MASP1: variants seen among roughly 807,000 people sequenced by gnomAD.
MASP1 encodes MBL associated serine protease 1.
In MASP1, 59 loss-of-function variants were observed where a neutral mutation model predicts 77.1. That is an observed-to-expected ratio of 0.77 (90% confidence interval 0.62 to 0.95). MASP1 has a LOEUF of 0.95. Ranked by LOEUF, MASP1 falls within the 40% of genes least tolerant of loss-of-function variation. The pLI is 0.00. For synonymous variants in MASP1, 362 were observed against 354.5 expected (o/e 1.02, Z -0.24); for missense variants, 885 against 912.9 (o/e 0.97, Z 0.39).
chr3:187,225,331 C>T, exon 13 of MASP1: 1 of 1,613,022 alleles, frequency 6.2e-7, no homozygotes, highest in African/African-American at 1.3e-5. Flanking sequence ...TACCTTCCTG[C>T]TGGGGTCCCT....
intron 13 of MASP1, among the ~76,000 whole-genome samples, chr3:187,224,989 T>C (rs1280696829): frequency 6.6e-6 from 1 of 152,202 alleles, no homozygotes; most frequent in Non-Finnish European, 1.5e-5. Flanking sequence ...CTAGGGTTGG[T>C]GGTTTCTTCC....
In MASP1 at chr3:187,256,799, T is replaced by C. The variant is rs1473061409; in HGVS notation, c.609A>G (p.Pro203=). Residue 203 remains proline, a synonymous_variant, in exon 5 of 11, where the codon CCA becomes CCG. Coordinates refer to ENST00000296280, the MANE Select transcript of MASP1 (RefSeq NM_139125.4). ...RTGVITSPDF[P]NPYPKSSECL... ...ATTCAGAGCTCTTGGGGTAAGGGTTTGGGAAGTCAGGGCTGGTGATCACCC... is the reference window on the plus strand; with the variant it reads ...ATTCAGAGCTCTTGGGGTAAGGGTTCGGGAAGTCAGGGCTGGTGATCACCC... 3 of 1,613,910 alleles carry C rather than the reference T, an allele frequency of 1.9e-6. No homozygotes were observed. The highest frequency in any genetic ancestry group is 1.7e-6 in the Non-Finnish European group (2 of 1,179,982).
Position 187,265,314 on chromosome 3 carries a change from T to A in MASP1, c.238-2594A>T, listed in dbSNP as rs868487518. On this transcript the variant is annotated intron_variant, in intron 2 of 10. Transcript: ENST00000296280. ...CTGCAGTGACTGGGACATGAACATT[T>A]TCAAGTGAACACACTGGTCATTTGG... Among the ~76,000 whole-genome samples the A allele has an allele frequency of 4.6e-5, 7 of 152,324 alleles. No individual in the cohort carries two copies. In the Middle Eastern group the frequency reaches 0.01, roughly 222 times the overall value.
intron 5 of MASP1, among the ~76,000 whole-genome samples, chr3:187,254,770 T>C (rs1477619636): frequency 6.6e-6 from 1 of 152,174 alleles, no homozygotes; most frequent in African/African-American, 2.4e-5. Flanking sequence ...TAGGCTCTAT[T>C]ATCTGATCCG....
intron 15 of MASP1, among the ~76,000 whole-genome samples, chr3:187,220,492 C>CTTTTTTTTTTTTTTTTTTTTTTTTTTTT (rs747532550): frequency 1.5e-5 from 2 of 134,564 alleles, no homozygotes; most frequent in Non-Finnish European, 3.1e-5. Context: ...TTTCTTTTTT[C>CTTTTTTTTTTTTTTTTTTTTTTTTTTTT]TTTCTTTTTT....
At chr3:187,259,999 C>T (rs935850399) in intron 4 of MASP1, among the ~76,000 whole-genome samples, 2 of 152,182 alleles carry the variant, frequency 1.3e-5, no homozygotes, top group Non-Finnish European at 2.9e-5. Flanking sequence ...TGTCAAGGGT[C>T]ACAACTCTGG....
intron 10 of MASP1, among the ~76,000 whole-genome samples, chr3:187,237,778 GCCT>G (rs901620026): frequency 6.6e-6 from 1 of 152,228 alleles, no homozygotes; most frequent in African/African-American, 2.4e-5. Flanking sequence ...ATGAGTGTGG[GCCT>G]CCTCCTGGTT....
At chr3:187,243,670 T>C (rs1713845550) in intron 8 of MASP1, 49 bp from the exon 9 acceptor site, 2 of 1,609,490 alleles carry the variant, frequency 1.2e-6, no homozygotes, top group Admixed American at 1.7e-5. Flanking sequence ...CTCATCCTCC[T>C]TTGGCTATCT....
Position 187,243,589 on chromosome 3 carries a change from G to T in MASP1, c.1123C>A (p.His375Asn), listed in dbSNP as rs772206611. 3.1e-6 allele frequency: 5 copies of T among 1,614,202 alleles called. No homozygotes were observed. The highest frequency in any genetic ancestry group is 2.2e-5 in the South Asian group (2 of 91,082). ...VDCRAPGELEHGLITFSTRNN... is the reference protein window; with the variant it reads ...VDCRAPGELENGLITFSTRNN... ...CTTGTAGAGAAGGTGATCAGCCCGT[G>T]TTCCAGCTCTCCTGGGGCTCTACAG... Residue 375 changes from histidine (H) to asparagine (N), a missense_variant, in exon 9 of 11, where the codon CAC (histidine) becomes AAC (asparagine). His to Asn is a moderately conservative substitution (Grantham distance 68). Transcript: ENST00000296280.
chr3:187,266,202 C>G (rs1716006401), intron 2 of MASP1, among the ~76,000 whole-genome samples: 1 of 152,116 alleles, frequency 6.6e-6, no homozygotes, highest in African/African-American at 2.4e-5. Context: ...TTTAGGACAC[C>G]AACATGTGGC....
chr3:187,271,797 C>G (rs1409659892), intron 2 of MASP1, among the ~76,000 whole-genome samples: 1 of 152,134 alleles, frequency 6.6e-6, no homozygotes, highest in African/African-American at 2.4e-5. Flanking sequence ...CCTGGAAGTG[C>G]AGGGTCATTC....
At chr3:187,279,709 G>A (rs1245420540) in intron 2 of MASP1, among the ~76,000 whole-genome samples, 1 of 152,124 alleles carries the variant, frequency 6.6e-6, no homozygotes, top group Non-Finnish European at 1.5e-5. Context: ...TCCCTGCTTT[G>A]ATGGTAGCTC....
intron 2 of MASP1, among the ~76,000 whole-genome samples, chr3:187,284,655 C>T (rs1717702449): frequency 6.6e-6 from 1 of 152,148 alleles, no homozygotes; most frequent in South Asian, 2.1e-4. Flanking sequence ...TGGAGAATAG[C>T]TTGGGAGTTG....
At chr3:187,251,582 T>G (rs954400162) in intron 7 of MASP1, 52 bp downstream of exon 7, 1 of 1,391,420 alleles carries the variant, frequency 7.2e-7, no homozygotes, top group Non-Finnish European at 1.0e-6. Flanking sequence ...GGGGCAGGTT[T>G]CGAGAGTTTC....
At chr3:187,291,464 C>T in intron 1 of MASP1, 164 bp downstream of exon 1, 1 of 914,350 alleles carries the variant, frequency 1.1e-6, no homozygotes, top group Admixed American at 2.0e-5. Flanking sequence ...GCACCCAGCC[C>T]ACCCACAGCT....
Position 187,238,468 on chromosome 3 carries a change from G to A in MASP1, c.1304-1901C>T, listed in dbSNP as rs536972078. 2.6e-4 allele frequency among the ~76,000 whole-genome samples: 40 copies of A among 152,268 alleles called. No homozygotes were observed. In the Middle Eastern group the frequency reaches 0.02, roughly 78 times the overall value. On this transcript the variant is annotated intron_variant, in intron 10 of 10. Coordinates refer to ENST00000296280, the MANE Select transcript of MASP1 (RefSeq NM_139125.4). ...CTCTTGGGAGAGCTCATTGAAATGG[G>A]GTCATTCTTATTGGCTGCTGCCATT...
intron 2 of MASP1, chr3:187,276,567 C>G (rs564590819): frequency 6.6e-6 from 1 of 152,402 alleles, no homozygotes; most frequent in East Asian, 1.9e-4. Context: ...GCACCCACAC[C>G]TGGGACCTTC....
intron 15 of MASP1, among the ~76,000 whole-genome samples, chr3:187,220,459 CTCTT>C (rs1236724476): frequency 6.6e-6 from 1 of 151,622 alleles, no homozygotes; most frequent in Non-Finnish European, 1.5e-5. Context: ...TGATTCAGAC[CTCTT>C]TCTTTCTTTT....
At chr3:187,247,363 G>C in intron 8 of MASP1, 1 of 1,613,966 alleles carries the variant, frequency 6.2e-7, no homozygotes, top group Non-Finnish European at 8.5e-7. Flanking sequence ...ACTTGAGTTC[G>C]CTCTCCAGAT....
Sources: allele counts gnomAD v4.1 joint callset (sites outside exome capture counted in the v4.1 genomes callset), GRCh38; gene constraint gnomAD v4.1.1; transcripts MANE v1.5; gene names NCBI Gene and HGNC (gene_info 2026-07-23, HGNC 2026-07-21).